TBC1D2: variants seen among roughly 807,000 people sequenced by gnomAD.
TBC1D2 encodes TBC1 domain family member 2A.
Under a neutral mutation model 91.1 loss-of-function variants are expected in TBC1D2, and 58 were observed. The ratio of observed to expected loss-of-function variants is 0.64; its 90% CI spans 0.52 to 0.79. The LOEUF is 0.79. Among genes scored for constraint, TBC1D2 ranks in the 30% least tolerant of loss-of-function variants. The pLI is 0.00. For missense variants in TBC1D2, 1,080 were observed against 1,208.3 expected (o/e 0.89, Z 1.57); for synonymous variants, 482 against 511.5 (o/e 0.94, Z 0.78).
chr9:98,233,288 A>T, intron 4 of TBC1D2, 128 bp downstream of exon 4: 1 of 1,288,402 alleles, frequency 7.8e-7, no homozygotes, highest in Non-Finnish European at 1.0e-6. Flanking sequence ...GTGTTTCAGT[A>T]AGTAGCCCAA....
At position 98,208,682 on chromosome 9, in the gene TBC1D2, G is replaced by A; in HGVS notation, c.2136C>T (p.Cys712=). 6.5e-7 allele frequency: 1 copy of A among 1,529,934 alleles called. No homozygotes were observed. Among genetic ancestry groups the A allele is most frequent in the Non-Finnish European group, 8.8e-7 (1 of 1,136,448 alleles). 94.8% of individuals were successfully genotyped at this position (1,529,934 alleles called of 1,614,324 possible). The change falls in exon 9 of 13, where the codon TGC becomes TGT. Residue 712 remains cysteine, a synonymous_variant. Transcript: ENST00000465784. Reference sequence around the variant, plus strand: ...TGGTGGCTTACCTGTTCAGGCCCTGGCAGTAGCCGATGGTGGGGTTCTGCC... The same window carrying A: ...TGGTGGCTTACCTGTTCAGGCCCTGACAGTAGCCGATGGTGGGGTTCTGCC... ...FSWQNPTIGY[C]QGLNRLAAIA... is the part of the protein sequence containing the mutation.
At chr9:98,235,619 G>A in intron 3 of TBC1D2, 1 of 392,690 alleles carries the variant, frequency 2.5e-6, no homozygotes, top group Admixed American at 3.4e-5. Context: ...TAGAATTATT[G>A]TCTGTTTCTC....
At position 98,220,951 on chromosome 9, in the gene TBC1D2, C is replaced by T; in HGVS notation, c.1256G>A (p.Cys419Tyr). 2 of 1,614,220 alleles carry T rather than the reference C, an allele frequency of 1.2e-6. No individual in the cohort carries two copies. Among genetic ancestry groups the T allele is most frequent in the South Asian group, 2.2e-5 (2 of 91,090 alleles). ...CTGGGTGACCTTCTCAGAGAGCTTGCAGATGACCTGCTGCTTGGCGTGGTT... is the reference window on the plus strand; with the variant it reads ...CTGGGTGACCTTCTCAGAGAGCTTGTAGATGACCTGCTGCTTGGCGTGGTT... ...DKNHAKQQVI[C>Y]KLSEKVTQDF... The change falls in exon 6 of 13, where the codon TGC (cysteine) becomes TAC (tyrosine). Residue 419 changes from cysteine to tyrosine, a missense_variant. Coordinates refer to ENST00000465784, the MANE Select transcript of TBC1D2 (RefSeq NM_001267571.2).
chr9:98,245,908 G>A (rs1186380536), intron 2 of TBC1D2, among the ~76,000 whole-genome samples: 1 of 152,180 alleles, frequency 6.6e-6, no homozygotes, highest in East Asian at 1.9e-4. Context: ...TAAAAGGCAG[G>A]CAGGAGGTCA....
intron 6 of TBC1D2, among the ~76,000 whole-genome samples, chr9:98,216,250 C>T (rs1357809635): frequency 1.3e-5 from 2 of 152,162 alleles, no homozygotes; most frequent in African/African-American, 4.8e-5. Context: ...GCAACGTGAG[C>T]GTGAGCATCG....
chr9:98,217,063 T>C (rs3739664), intron 6 of TBC1D2, among the ~76,000 whole-genome samples: 94,085 of 151,656 alleles, frequency 0.62, 29,813 homozygotes, highest in African/African-American at 0.76. Context: ...CTTCCAGCTC[T>C]AGGGAAGGCA....
At position 98,203,365 on chromosome 9, in the gene TBC1D2, C is replaced by T. The variant is rs374529534; in HGVS notation, c.2194G>A (p.Ala732Thr). 56 of 1,614,080 alleles carry T rather than the reference C, an allele frequency of 3.5e-5. No homozygotes were observed. The highest frequency in any genetic ancestry group is 5.5e-5 in the South Asian group (5 of 91,090). ...ACAATGGCCACCAGGCACCAGAAGG[C>T]GCTCTCCTCCTCCTCTAGGACCAGC... ...ALLVLEEEES[A>T]FWCLVAIVET... is the part of the protein sequence containing the mutation. The change falls in exon 10 of 13, where the codon GCC (alanine) becomes ACC (threonine). Residue 732 changes from alanine to threonine, a missense_variant. Physicochemically the swap from Ala to Thr is moderately conservative, Grantham distance 58. Coordinates refer to ENST00000465784, the MANE Select transcript of TBC1D2 (RefSeq NM_001267571.2).
chr9:98,225,084 A>G (rs1829199105), intron 5 of TBC1D2, among the ~76,000 whole-genome samples: 1 of 152,212 alleles, frequency 6.6e-6, no homozygotes, highest in Non-Finnish European at 1.5e-5. Flanking sequence ...CTAAAAAATT[A>G]CGTTCCTTTA....
intron 4 of TBC1D2, among the ~76,000 whole-genome samples, chr9:98,231,903 C>A (rs1829378924): frequency 6.6e-6 from 1 of 152,082 alleles, no homozygotes; most frequent in Non-Finnish European, 1.5e-5. Flanking sequence ...ATGGTATATT[C>A]CTTGGTATAT....
At chr9:98,210,477 G>A (rs901604096) in intron 8 of TBC1D2, among the ~76,000 whole-genome samples, 179 bp downstream of exon 8, 2 of 152,198 alleles carry the variant, frequency 1.3e-5, no homozygotes, top group Admixed American at 6.5e-5. Context: ...GCCATGGCAG[G>A]GGGCTGCCTC....
intron 2 of TBC1D2, among the ~76,000 whole-genome samples, chr9:98,245,710 T>G (rs952118802): frequency 7.9e-5 from 12 of 152,040 alleles, no homozygotes; most frequent in Middle Eastern, 3.2e-3. Context: ...TATTTTACTG[T>G]TTTTTTTCCA....
intron 3 of TBC1D2, among the ~76,000 whole-genome samples, chr9:98,235,919 C>T (rs571612676): frequency 2.4e-4 from 36 of 151,898 alleles, no homozygotes; most frequent in South Asian, 1.7e-3. Flanking sequence ...CCTGTAATCC[C>T]GGCTACTTGG....
intron 2 of TBC1D2, among the ~76,000 whole-genome samples, chr9:98,247,456 C>T (rs1159922251): frequency 2.6e-5 from 4 of 151,566 alleles, no homozygotes; most frequent in South Asian, 2.1e-4. Flanking sequence ...GGGCTGGGCA[C>T]GATGGCTCAC....
chr9:98,205,944 A>G (rs7850783), intron 9 of TBC1D2, among the ~76,000 whole-genome samples: 2,930 of 152,116 alleles, frequency 0.019, 39 homozygotes, highest in Non-Finnish European at 0.03. Context: ...GAGCCTCCAA[A>G]AGAATACGTT....
At chr9:98,222,041 T>C (rs572593546) in intron 5 of TBC1D2, among the ~76,000 whole-genome samples, 1 of 152,320 alleles carries the variant, frequency 6.6e-6, no homozygotes, top group South Asian at 2.1e-4. Context: ...GATGTTTTTG[T>C]CACAGCAGCT....
intron 6 of TBC1D2, among the ~76,000 whole-genome samples, chr9:98,219,719 TATG>T (rs768816844): frequency 1.5e-4 from 23 of 152,276 alleles, no homozygotes; most frequent in Non-Finnish European, 2.5e-4. Context: ...CATGTTGTGC[TATG>T]ATGTTATGAC....
Position 98,199,261 on chromosome 9 carries a change from G to T in TBC1D2, c.*120C>A. The T allele has an allele frequency of 9.2e-7, 1 of 1,088,568 alleles. No homozygotes were observed. The highest frequency in any genetic ancestry group is 1.4e-6 in the Non-Finnish European group (1 of 739,484). 67.4% of individuals were successfully genotyped at this position (1,088,568 alleles called of 1,614,324 possible). On this transcript the variant is annotated 3_prime_UTR_variant, in exon 13 of 13. Coordinates refer to ENST00000465784, the MANE Select transcript of TBC1D2 (RefSeq NM_001267571.2). ...AAACTGAGGGCCAGAGAGGGGAAGGGACATGTCCAAGGTCACATGGTGATG... is the reference window on the plus strand; with the variant it reads ...AAACTGAGGGCCAGAGAGGGGAAGGTACATGTCCAAGGTCACATGGTGATG...
chr9:98,247,590 G>A (rs1028046394), intron 2 of TBC1D2, among the ~76,000 whole-genome samples: 4 of 151,854 alleles, frequency 2.6e-5, no homozygotes, highest in Non-Finnish European at 4.4e-5. Context: ...TTAGCCAGGC[G>A]TGGTGGCACG....
At chr9:98,244,727 G>A (rs1323267118) in intron 2 of TBC1D2, among the ~76,000 whole-genome samples, 3 of 144,590 alleles carry the variant, frequency 2.1e-5, no homozygotes, top group Admixed American at 1.4e-4. Context: ...CCATCCTAAA[G>A]ATGGAAGTGC....
Sources: gnomAD v4.1 joint callset for allele counts (sites outside exome capture counted in the v4.1 genomes callset) on GRCh38, gnomAD v4.1.1 for gene constraint, MANE v1.5 for transcripts, NCBI Gene and HGNC (gene_info 2026-07-23, HGNC 2026-07-21) for gene names.